HMCN1: variants seen among roughly 807,000 people sequenced by gnomAD.
HMCN1 encodes hemicentin-1.
HMCN1 carries 321 observed loss-of-function variants against 625.9 expected under a neutral mutation model. The ratio of observed to expected loss-of-function variants is 0.51; its 90% CI spans 0.47 to 0.56. The LOEUF (loss-of-function observed/expected upper bound fraction) is 0.56. Ranked by LOEUF, HMCN1 falls within the 20% of genes least tolerant of loss-of-function variation. The probability of loss-of-function intolerance (pLI) is 0.00; values close to 1 mark genes in which losing one functional copy is unlikely to be tolerated. For missense variants in HMCN1, 6,588 were observed against 6,887.3 expected, an observed-to-expected ratio of 0.96 and a Z score of 1.54; for synonymous variants, 2,425 against 2,417.6, an observed-to-expected ratio of 1.00 and a Z score of -0.09.
chr1:186,164,197 C>T (rs970615672), intron 97 of HMCN1, among the ~76,000 whole-genome samples: 1 of 151,658 alleles, frequency 6.6e-6, no homozygotes, highest in South Asian at 2.1e-4. Flanking sequence ...TCTTGACTAA[C>T]CTGTTCTTGT....
At chr1:186,051,302 A>T (rs189021635) in intron 42 of HMCN1, among the ~76,000 whole-genome samples, 1 of 152,074 alleles carries the variant, frequency 6.6e-6, no homozygotes, top group East Asian at 1.9e-4. Context: ...AGTTGATTAG[A>T]TTAAGAAGTG....
chr1:185,855,074 A>G (rs1009914801), intron 2 of HMCN1, among the ~76,000 whole-genome samples: 1 of 152,188 alleles, frequency 6.6e-6, no homozygotes, highest in African/African-American at 2.4e-5. Context: ...ACTGGGAGCA[A>G]GAAGGTCTGC....
intron 1 of HMCN1, among the ~76,000 whole-genome samples, chr1:185,836,339 A>T (rs1268465490): frequency 6.6e-6 from 1 of 152,138 alleles, no homozygotes; most frequent in Non-Finnish European, 1.5e-5. Context: ...CCAAACATTA[A>T]TTTTTACTCT....
intron 1 of HMCN1, among the ~76,000 whole-genome samples, chr1:185,790,296 A>C (rs1052973496): frequency 3.3e-5 from 5 of 152,226 alleles, no homozygotes; most frequent in East Asian, 3.9e-4. Context: ...CTATTCTCCA[A>C]CTGTTGCCAA....
chr1:186,023,534 G>C (rs1384735773), intron 36 of HMCN1, among the ~76,000 whole-genome samples: 1 of 152,054 alleles, frequency 6.6e-6, no homozygotes, highest in Non-Finnish European at 1.5e-5. Flanking sequence ...TTAGTGAGTA[G>C]AAGCCATCTT....
At chr1:185,977,191 A>G (rs1009824023) in intron 15 of HMCN1, among the ~76,000 whole-genome samples, 2 of 152,090 alleles carry the variant, frequency 1.3e-5, no homozygotes, top group African/African-American at 4.8e-5. Context: ...ATCAAATACT[A>G]CATTCTGTTA....
chr1:185,973,591 T>C (rs1158082207), intron 15 of HMCN1, among the ~76,000 whole-genome samples: 1 of 151,922 alleles, frequency 6.6e-6, no homozygotes, highest in Non-Finnish European at 1.5e-5. Context: ...CAATACTAGA[T>C]CAAAAAATTA....
Position 186,015,379 on chromosome 1 carries a change from G to A in HMCN1, c.4851G>A (p.Thr1617=), listed in dbSNP as rs781719479. Residue 1617 remains threonine (T), a synonymous_variant, in exon 31 of 107, where the codon ACG becomes ACA. Transcript: ENST00000271588. ...RAQVSDSATY[T]CHVANVAGTA... is the part of the protein sequence containing the mutation. ...AGGTCTCTGATTCAGCAACATATAC[G>A]TGTCATGTAGCCAATGTTGCTGGAA... 1.1e-5 allele frequency: 18 copies of A among 1,613,340 alleles called. No individual in the cohort carries two copies. Among genetic ancestry groups the A allele is most frequent in the Middle Eastern group, 1.6e-4 (1 of 6,082 alleles).
chr1:186,100,524 G>A (rs1660337339), intron 68 of HMCN1, among the ~76,000 whole-genome samples: 2 of 152,054 alleles, frequency 1.3e-5, no homozygotes, highest in Non-Finnish European at 2.9e-5. Context: ...GCACTTTTTT[G>A]ACCACATTAA....
At chr1:185,967,872 A>C (rs1650532493) in intron 14 of HMCN1, among the ~76,000 whole-genome samples, 1 of 152,150 alleles carries the variant, frequency 6.6e-6, no homozygotes, top group Non-Finnish European at 1.5e-5. Context: ...AGGTGTTTGA[A>C]AGAAAAAAAT....
intron 1 of HMCN1, among the ~76,000 whole-genome samples, chr1:185,807,209 G>A (rs1659226955): frequency 6.6e-6 from 1 of 152,152 alleles, no homozygotes; most frequent in African/African-American, 2.4e-5. Context: ...ATGATTTCCT[G>A]TTGAAGGTTA....
In HMCN1 at chr1:186,019,732, C is replaced by T. The variant is rs377277595; in HGVS notation, c.5625+37C>T. 10 of 1,525,030 alleles carry T rather than the reference C, an allele frequency of 6.6e-6. No homozygotes were observed. The African/African-American group carries it at 9.6e-5, about 15-fold the overall frequency. The allele number at this position is 1,525,030 out of a possible 1,614,324, so 94.5% of individuals were successfully genotyped here. A position where few individuals can be genotyped will look rare whatever the true frequency, so the allele number is the denominator to read the frequency against. ...TATTACTCAGCCTAAACTGGGAAAG[C>T]TACATATATCTTCCTGGAAATATCA... On this transcript the variant is annotated intron_variant, in intron 35 of 106. Transcript: ENST00000271588.
At chr1:186,085,975 A>C (rs1448625295) in intron 57 of HMCN1, among the ~76,000 whole-genome samples, 2 of 152,186 alleles carry the variant, frequency 1.3e-5, no homozygotes, top group Non-Finnish European at 1.5e-5. Context: ...ACATTGACAA[A>C]ATCGTCTTAG....
chr1:185,987,626 G>A, intron 20 of HMCN1, 82 bp downstream of exon 20: 1 of 943,630 alleles, frequency 1.1e-6, no homozygotes, highest in Non-Finnish European at 1.8e-6. Flanking sequence ...TGAGCAGGAG[G>A]CTCAGGAGTG....
At chr1:186,112,484 C>A (rs1660934766) in intron 71 of HMCN1, among the ~76,000 whole-genome samples, 1 of 152,148 alleles carries the variant, frequency 6.6e-6, no homozygotes, top group Non-Finnish European at 1.5e-5. Flanking sequence ...ACCTGTGATT[C>A]TAGGAAAAAG....
intron 4 of HMCN1, among the ~76,000 whole-genome samples, chr1:185,898,852 T>C (rs1444815647): frequency 6.6e-6 from 1 of 151,538 alleles, no homozygotes; most frequent in East Asian, 1.9e-4. Flanking sequence ...GAAGAAGATA[T>C]TGAAACTCAC....
At chr1:186,108,650 A>C in intron 71 of HMCN1, 53 bp downstream of exon 71, 1 of 1,604,376 alleles carries the variant, frequency 6.2e-7, no homozygotes, top group Non-Finnish European at 8.5e-7. Flanking sequence ...AAAAAGTAAA[A>C]AAATCAGCTC....
chr1:185,950,375 C>A (rs1571604895), intron 11 of HMCN1, among the ~76,000 whole-genome samples: 1 of 151,928 alleles, frequency 6.6e-6, no homozygotes, highest in Admixed American at 6.6e-5. Flanking sequence ...GCAGTGGCAG[C>A]CGCTGCACGC....
At chr1:185,740,601 G>A (rs1447738507) in intron 1 of HMCN1, among the ~76,000 whole-genome samples, 1 of 150,520 alleles carries the variant, frequency 6.6e-6, no homozygotes, top group Non-Finnish European at 1.5e-5. Flanking sequence ...ATCTCTCATG[G>A]ACAGGTTAAT....
Sources: allele counts gnomAD v4.1 joint callset (sites outside exome capture counted in the v4.1 genomes callset), GRCh38; gene constraint gnomAD v4.1.1; transcripts MANE v1.5; gene names NCBI Gene and HGNC (gene_info 2026-07-23, HGNC 2026-07-21).